COL8A1: variants seen among roughly 807,000 people sequenced by gnomAD.
COL8A1 encodes collagen type VIII alpha 1 chain.
Under a neutral mutation model 42.7 loss-of-function variants are expected in COL8A1, and 21 were observed. That is an observed-to-expected ratio of 0.49 (90% confidence interval 0.35 to 0.71). The LOEUF is 0.71. Among genes scored for constraint, COL8A1 ranks in the 30% least tolerant of loss-of-function variants. The probability of loss-of-function intolerance (pLI) is 0.01; values close to 1 mark genes in which losing one functional copy is unlikely to be tolerated. For synonymous variants in COL8A1, 367 were observed against 369.1 expected (o/e 0.99, Z 0.06); for missense variants, 788 against 962.4 (o/e 0.82, Z 2.40).
intron 1 of COL8A1, among the ~76,000 whole-genome samples, chr3:99,707,779 G>C (rs1024180451): frequency 2.0e-5 from 3 of 152,132 alleles, no homozygotes; most frequent in Non-Finnish European, 4.4e-5. Context: ...CTCTGTCCAT[G>C]TATATATGTT....
At chr3:99,787,114 T>A (rs1162872584) in intron 2 of COL8A1, among the ~76,000 whole-genome samples, 1 of 152,174 alleles carries the variant, frequency 6.6e-6, no homozygotes, top group Non-Finnish European at 1.5e-5. Flanking sequence ...GATTAAATAT[T>A]TAAACATTCT....
At chr3:99,682,247 T>C (rs1327611676) in intron 1 of COL8A1, among the ~76,000 whole-genome samples, 2 of 152,080 alleles carry the variant, frequency 1.3e-5, no homozygotes, top group Non-Finnish European at 2.9e-5. Context: ...AAACCTTGTC[T>C]CTACTAAAAA....
intron 1 of COL8A1, among the ~76,000 whole-genome samples, chr3:99,743,377 G>C (rs943652121): frequency 6.6e-6 from 1 of 152,170 alleles, no homozygotes; most frequent in Non-Finnish European, 1.5e-5. Context: ...CAAAGTGCAG[G>C]GTGCTGCTGT....
In COL8A1 at chr3:99,795,825, G is replaced by A. The variant is rs760912063; in HGVS notation, c.1924G>A (p.Gly642Ser). ...GAAGTTTAACAAACTGCTGTATAAC[G>A]GCAGACAGAACTACAACCCGCAGAC... ...PVKFNKLLYN[G>S]RQNYNPQTGI... The change falls in exon 4 of 4, where the codon GGC (glycine) becomes AGC (serine). Residue 642 changes from glycine to serine, a missense_variant. Gly to Ser is a moderately conservative substitution (Grantham distance 56). Around this residue, in one of 4 missense-constraint regions of COL8A1, gnomAD observed 212 missense variants for 210.9 expected, o/e 1.00. Coordinates refer to ENST00000652472, the MANE Select transcript of COL8A1 (RefSeq NM_020351.4). 2 of 1,614,158 alleles carry A rather than the reference G, an allele frequency of 1.2e-6. No homozygotes were observed. The highest frequency in any genetic ancestry group is 2.2e-5 in the South Asian group (2 of 91,080).
chr3:99,639,679 C>T (rs1937466454), intron 1 of COL8A1, among the ~76,000 whole-genome samples: 1 of 152,226 alleles, frequency 6.6e-6, no homozygotes, highest in South Asian at 2.1e-4. Context: ...TCCACAGCCA[C>T]TTCTGTAAAA....
chr3:99,747,589 G>C (rs1432757097), intron 2 of COL8A1, among the ~76,000 whole-genome samples: 1 of 152,196 alleles, frequency 6.6e-6, no homozygotes, highest in African/African-American at 2.4e-5. Flanking sequence ...GGAAACCACA[G>C]TTCATTTTAA....
chr3:99,776,640 A>G (rs1391648491), intron 2 of COL8A1, among the ~76,000 whole-genome samples: 3 of 152,216 alleles, frequency 2.0e-5, no homozygotes, highest in Non-Finnish European at 4.4e-5. Context: ...CTCACACAAG[A>G]AAGAATTTGA....
chr3:99,657,564 T>C (rs1043123417), intron 1 of COL8A1, among the ~76,000 whole-genome samples: 3 of 152,152 alleles, frequency 2.0e-5, no homozygotes, highest in African/African-American at 4.8e-5. Context: ...TCAGGAATGT[T>C]TCAAAAGTGT....
At chr3:99,755,831 G>A (rs1031873254) in intron 2 of COL8A1, among the ~76,000 whole-genome samples, 1 of 152,186 alleles carries the variant, frequency 6.6e-6, no homozygotes. Flanking sequence ...AAAGAAGAGA[G>A]CGGAGCCAGA....
At chr3:99,734,365 T>G (rs1258905628) in intron 1 of COL8A1, among the ~76,000 whole-genome samples, 1 of 143,358 alleles carries the variant, frequency 7.0e-6, no homozygotes, top group Non-Finnish European at 1.5e-5. Context: ...GCTTTCTACA[T>G]ATGGCTAGCC....
rs1937737628 is a variant in COL8A1 at position 99,648,766 on chromosome 3, G to T, written c.-129+10102G>T. On this transcript the variant is annotated intron_variant, in intron 1 of 3. Coordinates refer to ENST00000652472, the MANE Select transcript of COL8A1 (RefSeq NM_020351.4). ...GCACTTCGGCACATTAAATGAACTTGTATCTAGCTCCCCAGATTATTCTCT... is the reference window on the plus strand; with the variant it reads ...GCACTTCGGCACATTAAATGAACTTTTATCTAGCTCCCCAGATTATTCTCT... Among the ~76,000 whole-genome samples, 4 of 152,200 alleles carry T rather than the reference G, an allele frequency of 2.6e-5. No individual in the cohort carries two copies. The South Asian group carries it at 8.3e-4, about 32-fold the overall frequency.
intron 1 of COL8A1, among the ~76,000 whole-genome samples, chr3:99,733,249 T>C (rs1223377227): frequency 6.6e-6 from 1 of 150,716 alleles, no homozygotes; most frequent in Non-Finnish European, 1.5e-5. Flanking sequence ...CTGCACCCAC[T>C]AACTCATCAT....
intron 1 of COL8A1, chr3:99,703,635 A>G (rs1267756219): frequency 6.6e-6 from 1 of 152,238 alleles, no homozygotes; most frequent in African/African-American, 2.4e-5. Context: ...CAAGGCAGCA[A>G]TATCGGAGTT....
At chr3:99,642,745 A>G (rs899407575) in intron 1 of COL8A1, among the ~76,000 whole-genome samples, 6 of 152,224 alleles carry the variant, frequency 3.9e-5, no homozygotes, top group Admixed American at 3.9e-4. Flanking sequence ...TTTCTAAAGA[A>G]CCACTCATAC....
intron 1 of COL8A1, among the ~76,000 whole-genome samples, chr3:99,739,180 G>A (rs571190755): frequency 3.3e-5 from 5 of 152,304 alleles, no homozygotes; most frequent in African/African-American, 7.2e-5. Flanking sequence ...GAAATCACCC[G>A]TCTTCTGCAT....
intron 1 of COL8A1, among the ~76,000 whole-genome samples, chr3:99,673,443 A>G (rs1389505286): frequency 6.6e-6 from 1 of 152,092 alleles, no homozygotes; most frequent in Non-Finnish European, 1.5e-5. Flanking sequence ...TTATGGGACT[A>G]TCACCCATGA....
intron 1 of COL8A1, among the ~76,000 whole-genome samples, chr3:99,739,129 A>T (rs1482696370): frequency 6.6e-6 from 1 of 152,018 alleles, no homozygotes; most frequent in Non-Finnish European, 1.5e-5. Flanking sequence ...CTGTCTGGCA[A>T]TCCCTAGTGA....
At chr3:99,674,642 G>A (rs1036571164) in intron 1 of COL8A1, among the ~76,000 whole-genome samples, 1 of 151,954 alleles carries the variant, frequency 6.6e-6, no homozygotes, top group African/African-American at 2.4e-5. Context: ...GCTAGAAATT[G>A]TCCCTGGCAA....
chr3:99,716,114 T>C (rs1352716492), intron 1 of COL8A1, among the ~76,000 whole-genome samples: 1 of 152,048 alleles, frequency 6.6e-6, no homozygotes, highest in Non-Finnish European at 1.5e-5. Flanking sequence ...TAAAACTTGG[T>C]GCACCACATC....
Sources: allele counts gnomAD v4.1 joint callset (sites outside exome capture counted in the v4.1 genomes callset), GRCh38; gene constraint gnomAD v4.1.1; regional missense constraint gnomAD v4.1.1; transcripts MANE v1.5; gene names NCBI Gene and HGNC (gene_info 2026-07-23, HGNC 2026-07-21).